The following SUCO variants were observed in gnomAD, a reference collection of about 807,000 sequenced individuals.
The protein encoded by SUCO is SUN domain containing ossification factor.
Under a neutral mutation model 148.1 loss-of-function variants are expected in SUCO, and 57 were observed. The observed-to-expected ratio is 0.38, with a 90% CI of 0.31 to 0.48. SUCO has a LOEUF of 0.48. Among genes scored for constraint, SUCO ranks in the 20% least tolerant of loss-of-function variants. The pLI, the probability that SUCO is intolerant of heterozygous loss-of-function variation, is 0.96. For synonymous variants in SUCO, 470 were observed against 502.7 expected, an observed-to-expected ratio of 0.93 and a Z score of 0.87; for missense variants, 1,331 against 1,468.2, an observed-to-expected ratio of 0.91 and a Z score of 1.53.
rs374364702 is a variant in SUCO at position 172,589,110 on chromosome 1, C to T, written c.2009C>T (p.Ala670Val). 8.1e-6 allele frequency: 13 copies of T among 1,612,994 alleles called. No individual in the cohort carries two copies. Among genetic ancestry groups the T allele is most frequent in the African/African-American group, 8.0e-5 (6 of 74,892 alleles). The stretch of plus-strand genomic sequence containing the variant: ...GCTCAACCACCCTTACTACTTCCTG[C>T]GGAATCAGTAGATGTTTCAGTATTG... Reference protein sequence around the residue: ...VLAQPPLLLPAESVDVSVLQP... With the variant: ...VLAQPPLLLPVESVDVSVLQP... Residue 670 changes from alanine to valine, a missense_variant, in exon 18 of 24, where the codon GCG (alanine) becomes GTG (valine). Coordinates refer to ENST00000263688, the MANE Select transcript of SUCO (RefSeq NM_014283.5).
intron 2 of SUCO, 26 bp from the exon 3 acceptor site, chr1:172,553,234 T>C: frequency 1.3e-6 from 2 of 1,529,812 alleles, no homozygotes; most frequent in Non-Finnish European, 1.8e-6. Flanking sequence ...TTTTATCAGG[T>C]GATTTTTGTT....
At chr1:172,575,251 T>C (rs1655349156) in intron 10 of SUCO, among the ~76,000 whole-genome samples, 1 of 151,998 alleles carries the variant, frequency 6.6e-6, no homozygotes, top group Non-Finnish European at 1.5e-5. Flanking sequence ...CTTTCTGTTA[T>C]AAAACCTCCT....
rs1448278787 is a variant in SUCO at position 172,600,159 on chromosome 1, G to A, written c.3009G>A (p.Leu1003=). 6.2e-7 allele frequency: 1 copy of A among 1,608,398 alleles called. No individual in the cohort carries two copies. The highest frequency in any genetic ancestry group is 1.1e-5 in the South Asian group (1 of 89,996). ...VSNLSATVAE[L]KREVSDRQSY... ...ATTTATCAGCAACAGTAGCAGAATT[G>A]AAACGGGAGGTAATTGTTATTGCTG... The change falls in exon 20 of 24, where the codon TTG becomes TTA. Residue 1003 remains leucine (L), a synonymous_variant. Coordinates refer to ENST00000263688, the MANE Select transcript of SUCO (RefSeq NM_014283.5).
At chr1:172,539,805 G>T (rs1339630800) in intron 1 of SUCO, among the ~76,000 whole-genome samples, 1 of 152,108 alleles carries the variant, frequency 6.6e-6, no homozygotes, top group Non-Finnish European at 1.5e-5. Flanking sequence ...TTAAAAATGG[G>T]AATTTATAAA....
chr1:172,539,469 G>A (rs528970847), intron 1 of SUCO, among the ~76,000 whole-genome samples: 1 of 152,122 alleles, frequency 6.6e-6, no homozygotes, highest in South Asian at 2.1e-4. Flanking sequence ...AATCCTTTGG[G>A]ATGAATTTGT....
chr1:172,608,199 T>C, intron 22 of SUCO: 1 of 514,290 alleles, frequency 1.9e-6, no homozygotes, highest in Non-Finnish European at 2.5e-6. Context: ...CAAGCTGTTT[T>C]TAGATTGGGA....
chr1:172,572,696 TAAAAAAAA>T (rs61248782), intron 9 of SUCO, among the ~76,000 whole-genome samples: 14 of 49,604 alleles, frequency 2.8e-4, no homozygotes, highest in African/African-American at 6.5e-4. Context: ...GAATGATCAA[TAAAAAAAA>T]AAAAAAAAAA....
intron 7 of SUCO, chr1:172,569,637 A>G (rs376619272): frequency 1.9e-5 from 8 of 413,110 alleles, no homozygotes; most frequent in African/African-American, 1.1e-4. Context: ...GCACACCACC[A>G]TGGCACATGT....
intron 1 of SUCO, chr1:172,550,949 C>T (rs916428987): frequency 6.0e-6 from 5 of 830,180 alleles, no homozygotes; most frequent in African/African-American, 1.9e-5. Flanking sequence ...GTATATTTCT[C>T]CTTTGGTATG....
In SUCO at chr1:172,562,676, T is replaced by C. The variant is rs535318323; in HGVS notation, c.732+4882T>C. 3.0e-4 allele frequency among the ~76,000 whole-genome samples: 46 copies of C among 152,316 alleles called. 1 individual carries two copies. Among genetic ancestry groups the C allele is most frequent in the African/African-American group, 1.1e-3 (46 of 41,566 alleles). On this transcript the variant is annotated intron_variant, in intron 6 of 23. Transcript: ENST00000263688. Reference sequence around the variant, plus strand: ...AAGTGTATTGTAAACAATTTCCTTTTAATTATACCAAGTTTAATCATACAC... The same window carrying C: ...AAGTGTATTGTAAACAATTTCCTTTCAATTATACCAAGTTTAATCATACAC...
At chr1:172,559,652 A>G (rs926389451) in intron 6 of SUCO, among the ~76,000 whole-genome samples, 4 of 152,204 alleles carry the variant, frequency 2.6e-5, no homozygotes, top group Non-Finnish European at 5.9e-5. Flanking sequence ...CTTATATACA[A>G]TTTTAATTAT....
intron 1 of SUCO, among the ~76,000 whole-genome samples, chr1:172,534,466 T>A (rs1278043982): frequency 1.3e-5 from 2 of 152,254 alleles, no homozygotes; most frequent in Non-Finnish European, 2.9e-5. Context: ...TTTTCATTTT[T>A]ATGGATGCCT....
At chr1:172,598,549 C>G (rs537465565) in intron 19 of SUCO, among the ~76,000 whole-genome samples, 1 of 152,170 alleles carries the variant, frequency 6.6e-6, no homozygotes, top group African/African-American at 2.4e-5. Context: ...AATATTAAGG[C>G]TTCTGACTCA....
At chr1:172,608,461 G>A (rs1657996869) in intron 22 of SUCO, 3 of 389,978 alleles carry the variant, frequency 7.7e-6, no homozygotes, top group Non-Finnish European at 1.4e-5. Context: ...AAGAAAGATC[G>A]TTATTGTATT....
intron 19 of SUCO, among the ~76,000 whole-genome samples, chr1:172,594,684 A>C (rs569209950): frequency 1.7e-3 from 254 of 152,270 alleles, no homozygotes; most frequent in Non-Finnish European, 2.7e-3. Flanking sequence ...TTTGCTGAGG[A>C]GTGCTTTACC....
chr1:172,537,003 G>A (rs1264377925), intron 1 of SUCO, among the ~76,000 whole-genome samples: 1 of 152,068 alleles, frequency 6.6e-6, no homozygotes, highest in Admixed American at 6.6e-5. Context: ...TACTATGTAA[G>A]GTAACATATT....
At chr1:172,535,244 G>T (rs1651923364) in intron 1 of SUCO, among the ~76,000 whole-genome samples, 1 of 152,190 alleles carries the variant, frequency 6.6e-6, no homozygotes, top group Non-Finnish European at 1.5e-5. Flanking sequence ...GAAAATGGAT[G>T]TGGAGAGTTT....
chr1:172,573,918 T>C lies in SUCO; in HGVS notation c.1077T>C (p.Ile359=), dbSNP rs1164838255. 17 of 1,598,816 alleles carry C rather than the reference T, an allele frequency of 1.1e-5. No homozygotes were observed. Among genetic ancestry groups the C allele is most frequent in the Non-Finnish European group, 1.5e-5 (17 of 1,169,348 alleles). Reference sequence around the variant, plus strand: ...TTGTTATTGAACTTTGTGAACCAATTCAAGTAAAACAGCTTGATATTGCAA... The same window carrying C: ...TTGTTATTGAACTTTGTGAACCAATCCAAGTAAAACAGCTTGATATTGCAA... ...IWFVIELCEP[I]QVKQLDIANY... Residue 359 remains isoleucine, a synonymous_variant, in exon 10 of 24, where the codon ATT becomes ATC. Transcript: ENST00000263688.
intron 19 of SUCO, among the ~76,000 whole-genome samples, chr1:172,597,882 A>C (rs1029956780): frequency 1.3e-5 from 2 of 152,206 alleles, no homozygotes; most frequent in African/African-American, 4.8e-5. Flanking sequence ...TACACTTTGC[A>C]AATATTTTCT....
Sources: gnomAD v4.1 joint callset for allele counts (sites outside exome capture counted in the v4.1 genomes callset) on GRCh38, gnomAD v4.1.1 for gene constraint, MANE v1.5 for transcripts, NCBI Gene and HGNC (gene_info 2026-07-23, HGNC 2026-07-21) for gene names.